The following CATSPERB variants were observed in gnomAD, a reference collection of about 807,000 sequenced individuals.
The protein encoded by CATSPERB is cation channel sperm-associated auxiliary subunit beta.
In CATSPERB, 93 loss-of-function variants were observed where a neutral mutation model predicts 128.3. The observed-to-expected ratio is 0.72, with a 90% confidence interval of 0.61 to 0.86. The LOEUF (loss-of-function observed/expected upper bound fraction) is 0.86, where lower values mean the gene tolerates loss of function less well. Among genes scored for constraint, CATSPERB ranks in the 40% least tolerant of loss-of-function variants. The pLI is 0.00. For synonymous variants in CATSPERB, 381 were observed against 448.8 expected (o/e 0.85, Z 1.91); for missense variants, 1,153 against 1,329.5 (o/e 0.87, Z 2.06).
chr14:91,672,291 T>C (rs1566726451), intron 13 of CATSPERB, among the ~76,000 whole-genome samples: 1 of 152,214 alleles, frequency 6.6e-6, no homozygotes. Flanking sequence ...GTTTGCTTGC[T>C]TGTTTGTTTT....
chr14:91,587,995 G>T lies in CATSPERB; in HGVS notation c.3040C>A (p.Leu1014Ile), dbSNP rs1204062245. The change falls in exon 25 of 27, where the codon CTC becomes ATC. Residue 1014 changes from leucine to isoleucine, a missense_variant. Leu to Ile is a conservative substitution (Grantham distance 5, BLOSUM62 2). Coordinates refer to ENST00000256343, the MANE Select transcript of CATSPERB (RefSeq NM_024764.4). ...LGAAVYNPSG[L>I]NLSIKGSELF... is the part of the protein sequence containing the mutation. The stretch of plus-strand genomic sequence containing the variant: ...ATCATTACCTTTATGCTTAAGTTGA[G>T]ACCTGAAGGATTATACACTGCAGCA... 6.2e-7 allele frequency: 1 copy of T among 1,606,846 alleles called. No individual in the cohort carries two copies. Among genetic ancestry groups the T allele is most frequent in the Non-Finnish European group, 8.5e-7 (1 of 1,174,328 alleles).
intron 18 of CATSPERB, 74 bp from the exon 19 acceptor site, chr14:91,622,011 C>A: frequency 1.1e-6 from 1 of 940,130 alleles, no homozygotes; most frequent in South Asian, 1.8e-5. Context: ...ATGTACATAG[C>A]TAACAAATAC....
chr14:91,623,649 T>A (rs1387468978), intron 18 of CATSPERB, among the ~76,000 whole-genome samples: 1 of 152,202 alleles, frequency 6.6e-6, no homozygotes, highest in African/African-American at 2.4e-5. Flanking sequence ...TGTAATGGCC[T>A]CCTAGCTGAC....
At position 91,621,715 on chromosome 14, in the gene CATSPERB, C is replaced by T. The variant is rs1894046704; in HGVS notation, c.2153G>A (p.Cys718Tyr). The T allele has an allele frequency of 1.2e-6, 2 of 1,613,178 alleles. No homozygotes were observed. The highest frequency in any genetic ancestry group is 1.7e-6 in the Non-Finnish European group (2 of 1,179,122). ...GRTWKIYSKP[C>Y]NYWFQHDDSP... ...ATCATCATGTTGAAACCAATAATTA[C>T]ATGGTTTTGAATATATTTTCCATGT... is the stretch of plus-strand genomic sequence containing the variant. Residue 718 changes from cysteine to tyrosine, a missense_variant, in exon 19 of 27, where the codon TGT becomes TAT. By Grantham distance (194) the Cys-to-Tyr change is radical. Coordinates refer to ENST00000256343, the MANE Select transcript of CATSPERB (RefSeq NM_024764.4).
rs534893552 is a variant in CATSPERB at position 91,621,623 on chromosome 14, T to C, written c.2245A>G (p.Ile749Val). 8 of 1,593,924 alleles carry C rather than the reference T, an allele frequency of 5.0e-6. No homozygotes were observed. The highest frequency in any genetic ancestry group is 6.8e-6 in the Non-Finnish European group (8 of 1,169,992). The change falls in exon 19 of 27, where the codon ATA becomes GTA. Residue 749 changes from isoleucine to valine, a missense_variant. Coordinates refer to ENST00000256343, the MANE Select transcript of CATSPERB (RefSeq NM_024764.4). ...ACAAACTTACCTTTTGCATTCCGTATGACCTTAGCTTTTAAAACATAAGAG... is the reference window on the plus strand; with the variant it reads ...ACAAACTTACCTTTTGCATTCCGTACGACCTTAGCTTTTAAAACATAAGAG... ...GNSYVLKAKV[I>V]RNAKGFRMLE...
At position 91,624,871 on chromosome 14, in the gene CATSPERB, G is replaced by C; in HGVS notation, c.1879C>G (p.Leu627Val). Residue 627 changes from leucine to valine, a missense_variant, in exon 18 of 27, where the codon CTT becomes GTT. By Grantham distance (32) the Leu-to-Val change is conservative (BLOSUM62 1). Coordinates refer to ENST00000256343, the MANE Select transcript of CATSPERB (RefSeq NM_024764.4). ...VNESSCLSSS[L>V]LINKAGNVYK... Reference sequence around the variant, plus strand: ...ACATTTCCAGCTTTATTAATCAAAAGGGAACTAGACAAACAAGAGCTCTCA... The same window carrying C: ...ACATTTCCAGCTTTATTAATCAAAACGGAACTAGACAAACAAGAGCTCTCA... 2 of 1,610,358 alleles carry C rather than the reference G, an allele frequency of 1.2e-6. No homozygotes were observed. Among genetic ancestry groups the C allele is most frequent in the Non-Finnish European group, 1.7e-6 (2 of 1,179,042 alleles).
chr14:91,725,217 C>A, intron 2 of CATSPERB, 49 bp from the exon 3 acceptor site: 2 of 789,598 alleles, frequency 2.5e-6, no homozygotes, highest in South Asian at 6.0e-5. Flanking sequence ...AGAAGACTGT[C>A]CATAAAAAGT....
chr14:91,672,860 G>A lies in CATSPERB; in HGVS notation c.1128+7C>T, dbSNP rs1235957291. 1.3e-6 allele frequency: 2 copies of A among 1,549,646 alleles called. No individual in the cohort carries two copies. The highest frequency in any genetic ancestry group is 2.4e-5 in the East Asian group (1 of 41,664). ...AAGATAAATTCCCTCTGGGATATAA[G>A]GCCTACCTTGTTATAGAAGAGGTAA... On this transcript the variant is annotated splice_region_variant and intron_variant, in intron 13 of 26. Coordinates refer to ENST00000256343, the MANE Select transcript of CATSPERB (RefSeq NM_024764.4).
chr14:91,649,945 C>T (rs774041676), intron 15 of CATSPERB, among the ~76,000 whole-genome samples: 10 of 151,970 alleles, frequency 6.6e-5, no homozygotes, highest in Non-Finnish European at 8.8e-5. Context: ...CTTATGCTCC[C>T]GTGAGCTTTT....
At chr14:91,707,082 A>G (rs1287377967) in intron 6 of CATSPERB, among the ~76,000 whole-genome samples, 1 of 152,190 alleles carries the variant, frequency 6.6e-6, no homozygotes, top group Non-Finnish European at 1.5e-5. Context: ...AAATACCCCA[A>G]TGGCTTTAAG....
chr14:91,664,428 G>C (rs1704686), intron 14 of CATSPERB, among the ~76,000 whole-genome samples: 88,081 of 151,592 alleles, frequency 0.58, 26,090 homozygotes, highest in African/African-American at 0.66. Flanking sequence ...ACCACACCCA[G>C]CTAATTTTTG....
intron 22 of CATSPERB, chr14:91,603,346 C>T: frequency 1.2e-6 from 2 of 1,607,682 alleles, no homozygotes; most frequent in East Asian, 2.2e-5. Flanking sequence ...TTCAACACTA[C>T]ATCAGGTAAC....
At chr14:91,723,505 G>C (rs972429346) in intron 3 of CATSPERB, among the ~76,000 whole-genome samples, 1 of 152,156 alleles carries the variant, frequency 6.6e-6, no homozygotes. Context: ...AAAAAAGGAA[G>C]CAACTATATA....
intron 22 of CATSPERB, chr14:91,605,134 A>C: frequency 9.2e-6 from 12 of 1,308,258 alleles, no homozygotes; most frequent in Non-Finnish European, 1.3e-5. Context: ...GGCTGTCCTA[A>C]ATAAGCAGAT....
At chr14:91,631,529 G>A (rs1473763397) in intron 17 of CATSPERB, among the ~76,000 whole-genome samples, 2 of 152,078 alleles carry the variant, frequency 1.3e-5, no homozygotes, top group Non-Finnish European at 2.9e-5. Context: ...GTCAGGCGTG[G>A]TGGTGGGCGT....
At chr14:91,647,766 A>T (rs1743119) in intron 15 of CATSPERB, among the ~76,000 whole-genome samples, 1 of 152,042 alleles carries the variant, frequency 6.6e-6, no homozygotes, top group African/African-American at 2.4e-5. Flanking sequence ...CCCACAACAC[A>T]TGGGGATTAT....
At chr14:91,718,475 C>T (rs1214106727) in intron 5 of CATSPERB, among the ~76,000 whole-genome samples, 2 of 152,042 alleles carry the variant, frequency 1.3e-5, no homozygotes, top group African/African-American at 2.4e-5. Context: ...CTGTATGGTT[C>T]CCCCATCCCA....
chr14:91,666,765 A>C (rs193020800), intron 14 of CATSPERB, among the ~76,000 whole-genome samples: 441 of 152,326 alleles, frequency 2.9e-3, no homozygotes, highest in African/African-American at 0.01. Context: ...CTACTTAGAT[A>C]CCAGGCGCTA....
At chr14:91,660,067 T>A (rs939681978) in intron 14 of CATSPERB, 86 bp from the exon 15 acceptor site, 1 of 1,191,136 alleles carries the variant, frequency 8.4e-7, no homozygotes, top group African/African-American at 1.6e-5. Flanking sequence ...AGAATAGCCA[T>A]GTGGCATGAT....
Sources: allele counts gnomAD v4.1 joint callset (sites outside exome capture counted in the v4.1 genomes callset), GRCh38; gene constraint gnomAD v4.1.1; transcripts MANE v1.5; gene names NCBI Gene and HGNC (gene_info 2026-07-23, HGNC 2026-07-21).